Variants in ABCA6 observed in about 807,000 individuals in gnomAD.
The protein encoded by ABCA6 is ATP binding cassette subfamily A member 6, also known as ATP-binding cassette sub-family A member 6.
In ABCA6, 164 loss-of-function variants were observed where a neutral mutation model predicts 191.2. The ratio of observed to expected loss-of-function variants is 0.86; its 90% CI spans 0.76 to 0.98. The LOEUF is 0.98. Among genes scored for constraint, ABCA6 ranks in the 50% least tolerant of loss-of-function variants. The pLI is 0.00. For synonymous variants in ABCA6, 636 were observed against 647.7 expected, an observed-to-expected ratio of 0.98 and a Z score of 0.27; for missense variants, 1,958 against 1,894.1, an observed-to-expected ratio of 1.03 and a Z score of -0.63.
At chr17:69,096,571 G>A in intron 24 of ABCA6, 57 bp downstream of exon 24, 1 of 1,231,734 alleles carries the variant, frequency 8.1e-7, no homozygotes, top group Non-Finnish European at 1.1e-6. Flanking sequence ...AAATAACAAT[G>A]TTAAAATTTA....
chr17:69,112,363 G>T, intron 15 of ABCA6, 90 bp from the exon 16 acceptor site: 1 of 970,236 alleles, frequency 1.0e-6, no homozygotes, highest in South Asian at 1.4e-5. Context: ...GCTCAGAAGT[G>T]CAAAGGAGAA....
At chr17:69,135,015 G>A (rs1032596118) in intron 4 of ABCA6, among the ~76,000 whole-genome samples, 1 of 150,636 alleles carries the variant, frequency 6.6e-6, no homozygotes. Flanking sequence ...CCCAAAGCTG[G>A]GATTATAGGC....
chr17:69,124,403 T>C (rs2073710486), intron 9 of ABCA6, among the ~76,000 whole-genome samples: 1 of 152,020 alleles, frequency 6.6e-6, no homozygotes, highest in Non-Finnish European at 1.5e-5. Flanking sequence ...GTTTGCAAGA[T>C]AATTTAACTG....
At chr17:69,099,066 T>G (rs2073117294) in intron 22 of ABCA6, among the ~76,000 whole-genome samples, 1 of 151,800 alleles carries the variant, frequency 6.6e-6, no homozygotes, top group Admixed American at 6.6e-5. Flanking sequence ...CCTCAGTAGC[T>G]GGGTGGATGT....
chr17:69,084,941 A>T, intron 32 of ABCA6, 87 bp downstream of exon 32: 1 of 1,459,730 alleles, frequency 6.9e-7, no homozygotes, highest in Non-Finnish European at 9.0e-7. Flanking sequence ...TAGCATATTG[A>T]CTCTCGGTTC....
At chr17:69,109,280 A>G (rs909723263) in intron 17 of ABCA6, 3 of 152,140 alleles carry the variant, frequency 2.0e-5, no homozygotes, top group Non-Finnish European at 4.4e-5. Context: ...GGCAAGTTAT[A>G]GCACCCATCT....
Position 69,113,648 on chromosome 17 carries a change from A to G in ABCA6, c.1872T>C (p.Thr624=), listed in dbSNP as rs750373122. 8.7e-6 allele frequency: 14 copies of G among 1,613,118 alleles called. No homozygotes were observed. Among genetic ancestry groups the G allele is most frequent in the South Asian group, 4.4e-5 (4 of 91,068 alleles). ...HLSEGQKRKL[T]FGITILGDPQ... is the part of the protein sequence containing the mutation. ...GATCTCCTAAAATGGTAATCCCAAA[A>G]GTCAGCTTTCTTTTCTGTCCTTCAC... Residue 624 remains threonine, a synonymous_variant, in exon 14 of 39, where the codon ACT becomes ACC. Coordinates refer to ENST00000284425, the MANE Select transcript of ABCA6 (RefSeq NM_080284.3).
chr17:69,126,064 A>G (rs1336530123), intron 8 of ABCA6, among the ~76,000 whole-genome samples: 1 of 152,102 alleles, frequency 6.6e-6, no homozygotes, highest in Non-Finnish European at 1.5e-5. Flanking sequence ...GGAAAGTAGG[A>G]AAAAGAAATA....
At chr17:69,099,483 A>T in intron 22 of ABCA6, 1 of 152,566 alleles carries the variant, frequency 6.6e-6, no homozygotes, top group African/African-American at 2.4e-5. Context: ...TTTGATGAAC[A>T]CATAATTCAG....
At position 69,106,030 on chromosome 17, in the gene ABCA6, G is replaced by A. The variant is rs764093440; in HGVS notation, c.2571C>T (p.Thr857=). The change falls in exon 19 of 39, where the codon ACC becomes ACT. Residue 857 remains threonine (T), a splice_region_variant and synonymous_variant. Coordinates refer to ENST00000284425, the MANE Select transcript of ABCA6 (RefSeq NM_080284.3). ...AACCACAGTACTCTCCTACTCACAG[G>A]GTCAATAACACTTTAGTTTGACGTT... ...KLKRQTKVLL[T]LLLVFGIAIF... is the part of the protein sequence containing the mutation. 5.0e-6 allele frequency: 8 copies of A among 1,604,690 alleles called. No individual in the cohort carries two copies. The highest frequency in any genetic ancestry group is 6.0e-6 in the Non-Finnish European group (7 of 1,175,826).
chr17:69,125,787 A>G (rs1313189954), intron 8 of ABCA6, among the ~76,000 whole-genome samples: 1 of 152,172 alleles, frequency 6.6e-6, no homozygotes, highest in African/African-American at 2.4e-5. Flanking sequence ...TCAACATTTG[A>G]AAATCAATCA....
In ABCA6 at chr17:69,079,202, T is replaced by C. The variant is rs139850675; in HGVS notation, c.4752+8A>G. 542 of 1,608,334 alleles carry C rather than the reference T, an allele frequency of 3.4e-4. 2 individuals are homozygous for C. In the African/African-American group the frequency reaches 6.5e-3, roughly 19 times the overall value. ...CCAGATGATACAAAGTCAAACCACT[T>C]GACTTACCTTCTCCAGTGTGCACTG... On this transcript the variant is annotated splice_region_variant and intron_variant, in intron 38 of 38. Coordinates refer to ENST00000284425, the MANE Select transcript of ABCA6 (RefSeq NM_080284.3).
chr17:69,086,571 G>T (rs781308748), intron 30 of ABCA6, 47 bp downstream of exon 30: 58 of 1,300,296 alleles, frequency 4.5e-5, no homozygotes, highest in Non-Finnish European at 6.3e-5. Context: ...ATGTTCGGTA[G>T]GTAGTTCTAA....
Position 69,129,693 on chromosome 17 carries a change from T to C in ABCA6, c.850A>G (p.Ile284Val). 6.2e-7 allele frequency: 1 copy of C among 1,604,726 alleles called. No individual in the cohort carries two copies. The highest frequency in any genetic ancestry group is 8.5e-7 in the Non-Finnish European group (1 of 1,172,140). Residue 284 changes from isoleucine to valine, a missense_variant, in exon 7 of 39, where the codon ATT becomes GTT. Ile to Val is a conservative substitution (Grantham distance 29). Coordinates refer to ENST00000284425, the MANE Select transcript of ABCA6 (RefSeq NM_080284.3). Reference sequence around the variant, plus strand: ...ATAATTTGGGTGAATGTTATGATAATTGTAACGAATATGGAAATAATAAAG... The same window carrying C: ...ATAATTTGGGTGAATGTTATGATAACTGTAACGAATATGGAAATAATAAAG... ...FIFIISIFVT[I>V]IITFTQIIVM...
At chr17:69,127,362 C>A (rs1279741669) in intron 8 of ABCA6, among the ~76,000 whole-genome samples, 1 of 151,798 alleles carries the variant, frequency 6.6e-6, no homozygotes, top group Non-Finnish European at 1.5e-5. Flanking sequence ...AAAAAGCCAG[C>A]AACAAATAAT....
At position 69,088,193 on chromosome 17, in the gene ABCA6, T is replaced by C; in HGVS notation, c.3672A>G (p.Lys1224=). The stretch of plus-strand genomic sequence containing the variant: ...TGAAAACAGGATCTTTTCGCATTCT[T>C]TTCTTTCCACATTTTAGTTCCATGC... ...LRCMELKCGK[K]RMRKDPVFRI... The change falls in exon 28 of 39, where the codon AAA becomes AAG. Residue 1224 remains lysine, a synonymous_variant. Coordinates refer to ENST00000284425, the MANE Select transcript of ABCA6 (RefSeq NM_080284.3). 1 of 1,612,614 alleles carries C rather than the reference T, an allele frequency of 6.2e-7. No homozygotes were observed. The highest frequency in any genetic ancestry group is 8.5e-7 in the Non-Finnish European group (1 of 1,179,372).
chr17:69,119,427 T>C (rs2073597366), intron 10 of ABCA6, among the ~76,000 whole-genome samples: 1 of 152,094 alleles, frequency 6.6e-6, no homozygotes, highest in Admixed American at 6.6e-5. Flanking sequence ...TATTCTTCTC[T>C]TGTTCACTGC....
At position 69,103,887 on chromosome 17, in the gene ABCA6, G is replaced by A. The variant is rs564639747; in HGVS notation, c.2741-919C>T. On this transcript the variant is annotated intron_variant, in intron 20 of 38. Transcript: ENST00000284425. The stretch of plus-strand genomic sequence containing the variant: ...TGCAGACAATAATTTGAGCAAGATG[G>A]AATGAATAAGAGGAAAAGAAGGACT... 13 of 138,404 alleles carry A rather than the reference G, an allele frequency of 9.4e-5. No individual in the cohort carries two copies. The South Asian group carries it at 2.6e-3, about 28-fold the overall frequency. 8.6% of individuals were successfully genotyped at this position (138,404 alleles called of 1,614,324 possible).
intron 1 of ABCA6, among the ~76,000 whole-genome samples, chr17:69,141,025 G>C (rs918609287): frequency 2.0e-5 from 3 of 151,948 alleles, no homozygotes; most frequent in Non-Finnish European, 4.4e-5. Flanking sequence ...TTTTGGCCTT[G>C]TATGAGAGAA....
Sources: allele counts gnomAD v4.1 joint callset (sites outside exome capture counted in the v4.1 genomes callset), GRCh38; gene constraint gnomAD v4.1.1; transcripts MANE v1.5; gene names NCBI Gene and HGNC (gene_info 2026-07-23, HGNC 2026-07-21).